Variants in PCDHA11 observed in about 807,000 individuals in gnomAD.
PCDHA11 encodes protocadherin alpha 11, also known as protocadherin alpha-11.
In PCDHA11, 61 loss-of-function variants were observed where a neutral mutation model predicts 70.3. The observed-to-expected ratio is 0.87, with a 90% CI of 0.71 to 1.07. The LOEUF is 1.07. Among genes scored for constraint, PCDHA11 ranks in the 50% least tolerant of loss-of-function variants. The pLI, the probability that PCDHA11 is intolerant of heterozygous loss-of-function variation, is 0.00. For missense variants in PCDHA11, 1,324 were observed against 1,237.5 expected (o/e 1.07, Z -1.05); for synonymous variants, 633 against 555.1 (o/e 1.14, Z -1.97).
intron 1 of PCDHA11, among the ~76,000 whole-genome samples, chr5:140,900,358 A>C (rs2067968295): frequency 6.6e-6 from 1 of 151,358 alleles, no homozygotes. Flanking sequence ...GCTCACCGCA[A>C]CCTCTGCCTC....
At chr5:140,948,273 T>A (rs1563231021) in intron 1 of PCDHA11, among the ~76,000 whole-genome samples, 1 of 151,602 alleles carries the variant, frequency 6.6e-6, no homozygotes, top group South Asian at 2.1e-4. Context: ...ATGTAGAATA[T>A]CTGTAAATAA....
At chr5:140,966,543 A>T (rs200134570) in intron 1 of PCDHA11, 4 of 461,074 alleles carry the variant, frequency 8.7e-6, no homozygotes, top group Non-Finnish European at 1.5e-5. Context: ...AGCGACTCGG[A>T]GGCGAGCGGA....
intron 1 of PCDHA11, among the ~76,000 whole-genome samples, chr5:140,895,474 C>T (rs947771616): frequency 2.1e-4 from 32 of 152,154 alleles, no homozygotes; most frequent in African/African-American, 7.0e-4. Flanking sequence ...TTATCCTCTT[C>T]GGAGAAATAC....
At chr5:140,884,341 G>C in intron 1 of PCDHA11, 2 of 1,613,910 alleles carry the variant, frequency 1.2e-6, no homozygotes, top group Non-Finnish European at 1.7e-6. Context: ...GTCCAGAAGC[G>C]GCGCTGGTGG....
intron 1 of PCDHA11, among the ~76,000 whole-genome samples, chr5:140,959,410 T>C (rs564453268): frequency 6.6e-5 from 10 of 152,300 alleles, no homozygotes; most frequent in Non-Finnish European, 1.3e-4. Flanking sequence ...AAGTGTTGAT[T>C]GATCTGAGAA....
intron 3 of PCDHA11, among the ~76,000 whole-genome samples, chr5:140,996,177 C>T (rs1214472705): frequency 6.6e-6 from 1 of 152,226 alleles, no homozygotes; most frequent in Non-Finnish European, 1.5e-5. Flanking sequence ...GCTGACAGCA[C>T]CTCCATTTTA....
intron 1 of PCDHA11, among the ~76,000 whole-genome samples, chr5:140,963,621 T>C (rs1428734637): frequency 2.6e-5 from 4 of 152,334 alleles, no homozygotes; most frequent in African/African-American, 9.6e-5. Flanking sequence ...AGCTTAACTT[T>C]GTTGCATACG....
chr5:140,977,122 AG>A (rs2096747423), intron 1 of PCDHA11, among the ~76,000 whole-genome samples: 1 of 152,226 alleles, frequency 6.6e-6, no homozygotes, highest in South Asian at 2.1e-4. Flanking sequence ...TAATGAACTG[AG>A]TTTCCTGGTC....
chr5:140,962,595 A>G (rs1307695991), intron 1 of PCDHA11, among the ~76,000 whole-genome samples: 1 of 152,192 alleles, frequency 6.6e-6, no homozygotes, highest in Non-Finnish European at 1.5e-5. Flanking sequence ...TTTGACTGAT[A>G]TATTTCTTCT....
In PCDHA11 at chr5:140,883,232, G is replaced by C. The variant is rs782490836; in HGVS notation, c.2391+11738G>C. 3 of 1,613,952 alleles carry C rather than the reference G, an allele frequency of 1.9e-6. No individual in the cohort carries two copies. The Admixed American group carries it at 5.0e-5, about 27-fold the overall frequency. On this transcript the variant is annotated intron_variant, in intron 1 of 3. Transcript: ENST00000398640. ...GAAATTATATGAAATATCCGTGGAGGCAGTTGACAAAGGAAATATTCCAAT... is the reference window on the plus strand; with the variant it reads ...GAAATTATATGAAATATCCGTGGAGCCAGTTGACAAAGGAAATATTCCAAT...
In PCDHA11 at chr5:140,876,830, C is replaced by T. The variant is rs199585768; in HGVS notation, c.2391+5336C>T. The T allele has an allele frequency of 3.4e-4, 552 of 1,614,204 alleles. 1 individual carries two copies. Among genetic ancestry groups the T allele is most frequent in the South Asian group, 1.5e-3 (138 of 91,090 alleles). On this transcript the variant is annotated intron_variant, in intron 1 of 3. Coordinates refer to ENST00000398640, the MANE Select transcript of PCDHA11 (RefSeq NM_018902.5). ...GTGGCCGACGTGAACGACAATGCGC[C>T]TGCGTTCGCGCAGCCCGAGTACACA...
intron 1 of PCDHA11, among the ~76,000 whole-genome samples, chr5:140,872,228 T>C (rs2053555588): frequency 6.6e-6 from 1 of 152,222 alleles, no homozygotes. Context: ...CAATCTTTAC[T>C]TTTGTCTTTA....
chr5:140,919,649 T>G (rs1252944920), intron 1 of PCDHA11, among the ~76,000 whole-genome samples: 1 of 152,202 alleles, frequency 6.6e-6, no homozygotes, highest in Non-Finnish European at 1.5e-5. Flanking sequence ...TTCTCTAGAG[T>G]TTACCATATA....
At chr5:140,982,192 G>A (rs1390222750) in intron 2 of PCDHA11, among the ~76,000 whole-genome samples, 4 of 152,230 alleles carry the variant, frequency 2.6e-5, no homozygotes, top group Non-Finnish European at 4.4e-5. Context: ...TGGGCTTCCT[G>A]TTAGATTTAG....
At chr5:141,006,215 TA>T (rs200576602) in intron 3 of PCDHA11, among the ~76,000 whole-genome samples, 4 of 151,640 alleles carry the variant, frequency 2.6e-5, no homozygotes, top group South Asian at 2.1e-4. Flanking sequence ...CATTTTTTTT[TA>T]AATTTTTTAT....
chr5:140,928,597 A>G (rs1554206042), intron 1 of PCDHA11: 1 of 1,614,226 alleles, frequency 6.2e-7, no homozygotes, highest in East Asian at 2.2e-5. Context: ...CCCAGTGGAA[A>G]TTGTGCCCCG....
chr5:141,001,130 T>C (rs1233424080), intron 3 of PCDHA11, among the ~76,000 whole-genome samples: 1 of 152,036 alleles, frequency 6.6e-6, no homozygotes, highest in African/African-American at 2.4e-5. Context: ...CTTAAACAAA[T>C]GAATCTTCTG....
At chr5:140,876,745 G>T (rs782242909) in intron 1 of PCDHA11, 2 of 1,614,264 alleles carry the variant, frequency 1.2e-6, no homozygotes, top group South Asian at 2.2e-5. Flanking sequence ...TGAGCTGGTG[G>T]TGACTGCGCG....
At chr5:140,955,990 T>C (rs246015) in intron 1 of PCDHA11, among the ~76,000 whole-genome samples, 48,106 of 152,064 alleles carry the variant, frequency 0.32, 7,958 homozygotes, top group East Asian at 0.53. Context: ...TTTTTGCACA[T>C]TGATTTTGTA....
Sources: allele counts gnomAD v4.1 joint callset (sites outside exome capture counted in the v4.1 genomes callset), GRCh38; gene constraint gnomAD v4.1.1; transcripts MANE v1.5; gene names NCBI Gene and HGNC (gene_info 2026-07-23, HGNC 2026-07-21).